MYO16: variants seen among roughly 807,000 people sequenced by gnomAD.
The protein encoded by MYO16 is myosin XVI.
Under a neutral mutation model 205.3 loss-of-function variants are expected in MYO16, and 94 were observed. The observed-to-expected ratio is 0.46, with a 90% confidence interval of 0.39 to 0.54. The LOEUF (loss-of-function observed/expected upper bound fraction) is 0.54, where lower values mean the gene tolerates loss of function less well. Ranked by LOEUF, MYO16 falls within the 20% of genes least tolerant of loss-of-function variation. The pLI, the probability that MYO16 is intolerant of heterozygous loss-of-function variation, is 0.00. For missense variants in MYO16, 2,315 were observed against 2,387.5 expected, an observed-to-expected ratio of 0.97 and a Z score of 0.63; for synonymous variants, 988 against 954.0, an observed-to-expected ratio of 1.04 and a Z score of -0.66.
chr13:108,560,128 A>C, the MYO16 span, among the ~76,000 whole-genome samples: 2 of 152,224 alleles, frequency 1.3e-5, no homozygotes, highest in Non-Finnish European at 2.9e-5. Flanking sequence ...TTCTTTTCTA[A>C]TGTTGAATTA....
At chr13:108,585,254 T>A in the MYO16 span, among the ~76,000 whole-genome samples, 1 of 152,186 alleles carries the variant, frequency 6.6e-6, no homozygotes, top group Non-Finnish European at 1.5e-5. Context: ...TAGCAAGGCA[T>A]GAGACATCAA....
the MYO16 span, among the ~76,000 whole-genome samples, chr13:108,543,460 C>T: frequency 2.7e-3 from 407 of 151,762 alleles, 3 homozygotes; most frequent in African/African-American, 9.1e-3. Flanking sequence ...CTGGCTAACA[C>T]GGTGAAACCC....
In MYO16 at chr13:109,061,045, T is replaced by A. The variant is rs529228727; in HGVS notation, c.3335+5450T>A. On this transcript the variant is annotated intron_variant, in intron 27 of 34. Coordinates refer to ENST00000457511, the MANE Select transcript of MYO16 (RefSeq NM_001198950.3). ...TCACCCCTTCATGTTACGGAGACAG[T>A]TTGTTTCCTCAAATCTCATGAATCA... Among the ~76,000 whole-genome samples, 3 of 152,328 alleles carry A rather than the reference T, an allele frequency of 2.0e-5. No homozygotes were observed. The South Asian group carries it at 6.2e-4, about 32-fold the overall frequency.
chr13:108,581,063 C>T, the MYO16 span, among the ~76,000 whole-genome samples: 1 of 152,126 alleles, frequency 6.6e-6, no homozygotes, highest in Non-Finnish European at 1.5e-5. Flanking sequence ...ATTACATTAA[C>T]TTCAAATACA....
At chr13:109,192,102 C>T (rs1056154828) in intron 34 of MYO16, among the ~76,000 whole-genome samples, 1 of 152,108 alleles carries the variant, frequency 6.6e-6, no homozygotes, top group Non-Finnish European at 1.5e-5. Context: ...CTCAGCAGAC[C>T]TAGTAGACCT....
chr13:109,168,987 A>G (rs1032785122), intron 33 of MYO16, among the ~76,000 whole-genome samples: 5 of 152,092 alleles, frequency 3.3e-5, no homozygotes, highest in Non-Finnish European at 7.4e-5. Context: ...TGTCCTGATT[A>G]AGTCGTTTCA....
chr13:108,577,249 T>A, the MYO16 span, among the ~76,000 whole-genome samples: 1 of 152,216 alleles, frequency 6.6e-6, no homozygotes, highest in Non-Finnish European at 1.5e-5. Context: ...CCTTGGAGTG[T>A]GCCTTCAGGA....
chr13:108,897,972 C>T (rs771344313), intron 14 of MYO16, 44 bp from the exon 15 acceptor site: 78 of 1,430,260 alleles, frequency 5.5e-5, no homozygotes, highest in Non-Finnish European at 7.6e-5. Flanking sequence ...AATTTTATTT[C>T]TTAAAATATG....
chr13:108,893,058 T>C (rs1323423463), intron 14 of MYO16, among the ~76,000 whole-genome samples: 1 of 152,168 alleles, frequency 6.6e-6, no homozygotes. Flanking sequence ...CATGAAAAAA[T>C]ATTGCCCAGG....
At chr13:108,976,456 C>T (rs1884261036) in intron 20 of MYO16, among the ~76,000 whole-genome samples, 2 of 152,104 alleles carry the variant, frequency 1.3e-5, no homozygotes, top group African/African-American at 4.8e-5. Flanking sequence ...ATGTATGTTT[C>T]CACTTTCCTT....
chr13:108,545,412 G>T, the MYO16 span, among the ~76,000 whole-genome samples: 2 of 152,134 alleles, frequency 1.3e-5, no homozygotes, highest in African/African-American at 4.8e-5. Context: ...CATTGGTGGG[G>T]ATTTAGGTTG....
the MYO16 span, among the ~76,000 whole-genome samples, chr13:108,583,589 T>A: frequency 0.018 from 2,680 of 152,314 alleles, 41 homozygotes; most frequent in Non-Finnish European, 0.031. Context: ...TAAAATGAAA[T>A]CATAGCATGT....
chr13:108,646,171 T>C (rs1379775036), intron 1 of MYO16, among the ~76,000 whole-genome samples: 1 of 152,210 alleles, frequency 6.6e-6, no homozygotes, highest in Non-Finnish European at 1.5e-5. Flanking sequence ...AGGGCTTTTC[T>C]TGTTTGTTAG....
intron 7 of MYO16, among the ~76,000 whole-genome samples, chr13:108,815,084 A>T (rs2139002892): frequency 6.6e-6 from 1 of 152,334 alleles, no homozygotes; most frequent in African/African-American, 2.4e-5. Flanking sequence ...ATAGATAGTA[A>T]TATGTTTAAC....
chr13:109,175,932 G>A (rs1209428083), intron 33 of MYO16, among the ~76,000 whole-genome samples: 5 of 151,932 alleles, frequency 3.3e-5, no homozygotes, highest in East Asian at 1.9e-4. Flanking sequence ...CTTTAGCTGC[G>A]TGAGAAAATC....
At chr13:108,903,759 C>T (rs1880828822) in intron 15 of MYO16, among the ~76,000 whole-genome samples, 1 of 152,162 alleles carries the variant, frequency 6.6e-6, no homozygotes, top group Admixed American at 6.6e-5. Context: ...AACACATTAA[C>T]TTTAACTACT....
chr13:108,706,641 G>A (rs1272034960), intron 2 of MYO16, among the ~76,000 whole-genome samples: 1 of 151,954 alleles, frequency 6.6e-6, no homozygotes, highest in Non-Finnish European at 1.5e-5. Flanking sequence ...GCACCTCTTG[G>A]GATAGTGCTA....
chr13:108,775,906 C>T (rs997683111), intron 4 of MYO16, among the ~76,000 whole-genome samples: 3 of 152,152 alleles, frequency 2.0e-5, no homozygotes, highest in East Asian at 1.9e-4. Context: ...GTATTCGAAG[C>T]ACGTCACCTT....
chr13:109,159,509 A>C (rs1196124469), intron 32 of MYO16, among the ~76,000 whole-genome samples: 1 of 152,232 alleles, frequency 6.6e-6, no homozygotes, highest in African/African-American at 2.4e-5. Context: ...CTTTTTCAAC[A>C]AATATTAATT....
Sources: allele counts gnomAD v4.1 joint callset (sites outside exome capture counted in the v4.1 genomes callset), GRCh38; gene constraint gnomAD v4.1.1; transcripts MANE v1.5; gene names NCBI Gene and HGNC (gene_info 2026-07-23, HGNC 2026-07-21).